PCF11: variants seen among roughly 807,000 people sequenced by gnomAD.
The protein encoded by PCF11 is pre-mRNA cleavage complex 2 protein Pcf11.
PCF11 carries 19 observed loss-of-function variants against 166.1 expected under a neutral mutation model. The observed-to-expected ratio is 0.11, with a 90% CI of 0.08 to 0.17. PCF11 has a LOEUF of 0.17. Among genes scored for constraint, PCF11 ranks in the 10% least tolerant of loss-of-function variants. The pLI, the probability that PCF11 is intolerant of heterozygous loss-of-function variation, is 1.00. For synonymous variants in PCF11, 663 were observed against 644.1 expected (o/e 1.03, Z -0.44); for missense variants, 1,565 against 1,855.5 (o/e 0.84, Z 2.88).
At chr11:83,172,142 T>C (rs1186694272) in intron 9 of PCF11, among the ~76,000 whole-genome samples, 3 of 152,126 alleles carry the variant, frequency 2.0e-5, no homozygotes, top group African/African-American at 7.2e-5. Flanking sequence ...GGACTTGTAG[T>C]CCACTAAACA....
chr11:83,179,502 G>A (rs574533108), intron 11 of PCF11, among the ~76,000 whole-genome samples: 5 of 151,922 alleles, frequency 3.3e-5, no homozygotes, highest in Non-Finnish European at 7.4e-5. Flanking sequence ...TGCCCGCCTC[G>A]GCCTTCCAAA....
exon 13 of PCF11, chr11:83,181,936 T>G: frequency 6.2e-7 from 1 of 1,612,780 alleles, no homozygotes; most frequent in Non-Finnish European, 8.5e-7. Context: ...GAAGAAGTTG[T>G]GCTCAAAACT....
exon 8 of PCF11, chr11:83,169,846 C>T (rs1192385356): frequency 1.5e-5 from 24 of 1,613,616 alleles, no homozygotes; most frequent in Non-Finnish European, 1.8e-5. Flanking sequence ...TAATGGACCA[C>T]ATGGCCCTGG....
chr11:83,177,792 C>A (rs1465295219), exon 11 of PCF11: 4 of 1,525,628 alleles, frequency 2.6e-6, no homozygotes, highest in Non-Finnish European at 3.6e-6. Flanking sequence ...CCAGATCTTA[C>A]TAATTTTACA....
At chr11:83,175,130 A>G (rs1860829910) in intron 9 of PCF11, among the ~76,000 whole-genome samples, 1 of 151,988 alleles carries the variant, frequency 6.6e-6, no homozygotes, top group Admixed American at 6.6e-5. Flanking sequence ...AAATACATTA[A>G]AATATTGTTT....
intron 11 of PCF11, among the ~76,000 whole-genome samples, chr11:83,179,915 G>A (rs563457836): frequency 5.9e-5 from 9 of 151,548 alleles, no homozygotes; most frequent in Non-Finnish European, 8.8e-5. Flanking sequence ...GCGAGACTCC[G>A]TCTCCAAAAA....
Position 83,181,841 on chromosome 11 carries a change from A to C in PCF11, c.4168-13A>C. ...TAAATGGAATAATCTTTTAAAAATCAACTCCTTTTAAGGACTGGATAGAAT... is the reference window on the plus strand; with the variant it reads ...TAAATGGAATAATCTTTTAAAAATCCACTCCTTTTAAGGACTGGATAGAAT... On this transcript the variant is annotated splice_polypyrimidine_tract_variant and intron_variant, in intron 12 of 15. Transcript: ENST00000298281. The C allele has an allele frequency of 6.4e-7, 1 of 1,562,182 alleles. No individual in the cohort carries two copies. Among genetic ancestry groups the C allele is most frequent in the Middle Eastern group, 1.7e-4 (1 of 5,858 alleles).
chr11:83,167,702 CTTG>C lies in PCF11; in HGVS notation c.2092+202_2092+204del, dbSNP rs1439661987. 1.9e-5 allele frequency: 29 copies of C among 1,504,518 alleles called. No individual in the cohort carries two copies. The highest frequency in any genetic ancestry group is 2.6e-5 in the Non-Finnish European group (29 of 1,127,882). 93.2% of individuals were successfully genotyped at this position (1,504,518 alleles called of 1,614,324 possible). ...TTTTTGACTACCCTTTGACTGATGC[CTTG>C]TTGTCTGGAATAGAATGTGAGCCAT... On this transcript the variant is annotated intron_variant, in intron 7 of 15. Coordinates refer to ENST00000298281, the Ensembl canonical transcript of PCF11. This position sits in a 1 kb window ranked among gnomAD's most constrained non-coding sequence, Gnocchi z 4.2.
At chr11:83,181,077 A>G in exon 12 of PCF11, 1 of 1,605,682 alleles carries the variant, frequency 6.2e-7, no homozygotes, top group Non-Finnish European at 8.5e-7. Flanking sequence ...TGAGGTTTAC[A>G]ACATCACAGA....
At position 83,167,228 on chromosome 11, in the gene PCF11, C is replaced by A; in HGVS notation, c.1921C>A (p.Gln641Lys). The change falls in exon 6 of 16, where the codon CAG (glutamine) becomes AAG (lysine). Residue 641 changes from glutamine (Q) to lysine (K), a missense_variant. Coordinates refer to ENST00000298281, the Ensembl canonical transcript of PCF11. The surrounding 1 kb of genome is among the most constrained non-coding windows in gnomAD (Gnocchi z 4.2). ...ATCACCTCGAGCCCCAAAGCAGCAA[C>A]AGCATCGATTAAGTGTAGATGCCAA... 6.2e-7 allele frequency: 1 copy of A among 1,613,786 alleles called. No homozygotes were observed. The highest frequency in any genetic ancestry group is 8.5e-7 in the Non-Finnish European group (1 of 1,179,704).
chr11:83,178,657 C>G (rs1057455865), intron 11 of PCF11, among the ~76,000 whole-genome samples: 20 of 151,670 alleles, frequency 1.3e-4, no homozygotes, highest in African/African-American at 4.6e-4. Context: ...ACTAAAAATA[C>G]AAAAAATTAG....
At chr11:83,186,933 T>C (rs918003407) in exon 16 of PCF11, 5 of 152,160 alleles carry the variant, frequency 3.3e-5, no homozygotes, top group African/African-American at 1.2e-4. Context: ...TAAAAGTGTA[T>C]CAACGGTATC....
chr11:83,169,027 C>G (rs1425216627), exon 8 of PCF11: 1 of 1,613,578 alleles, frequency 6.2e-7, no homozygotes, highest in South Asian at 1.1e-5. Flanking sequence ...TCATGGTCAG[C>G]CTGTGGGTGG....
intron 1 of PCF11, chr11:83,158,428 C>T (rs1860085535): frequency 6.6e-6 from 1 of 151,814 alleles, no homozygotes; most frequent in Non-Finnish European, 1.5e-5. Flanking sequence ...AAGTTCAGTC[C>T]CTCCTCCTCT....
chr11:83,180,334 C>G (rs1861045205), intron 11 of PCF11: 1 of 151,940 alleles, frequency 6.6e-6, no homozygotes, highest in Non-Finnish European at 1.5e-5. Flanking sequence ...GATCTGCCCA[C>G]CTTGGCCTCC....
chr11:83,164,731 G>A (rs993261475), intron 4 of PCF11, among the ~76,000 whole-genome samples: 1 of 151,540 alleles, frequency 6.6e-6, no homozygotes, highest in Non-Finnish European at 1.5e-5. Flanking sequence ...AAAAAAATTA[G>A]CCAGGTGGGG....
chr11:83,161,434 T>C (rs1383726090), exon 2 of PCF11: 1 of 1,590,100 alleles, frequency 6.3e-7, no homozygotes, highest in African/African-American at 1.4e-5. Flanking sequence ...TTGCAACATT[T>C]ATTTGTGTGT....
intron 7 of PCF11, 45 bp from the exon 8 acceptor site, chr11:83,168,380 AGAT>A: frequency 6.8e-7 from 1 of 1,463,090 alleles, no homozygotes; most frequent in Non-Finnish European, 9.1e-7. Context: ...CGAAAATAGA[AGAT>A]TTTAAGATAA....
At chr11:83,181,141 AAGG>A in exon 12 of PCF11, 1 of 1,611,552 alleles carries the variant, frequency 6.2e-7, no homozygotes, top group South Asian at 1.1e-5. Context: ...TAGAACTGAA[AAGG>A]ATGTTAGCCG....
Sources: allele counts gnomAD v4.1 joint callset (sites outside exome capture counted in the v4.1 genomes callset), GRCh38; gene constraint gnomAD v4.1.1; non-coding constraint Gnocchi (gnomAD v3.1); transcripts MANE v1.5; gene names NCBI Gene and HGNC (gene_info 2026-07-23, HGNC 2026-07-21).